CNTN5: variants seen among roughly 807,000 people sequenced by gnomAD.
CNTN5 encodes the protein contactin 5, also known as contactin-5.
A neutral mutation model predicts 129.1 loss-of-function variants in CNTN5; 77 were observed. That is an observed-to-expected ratio of 0.60 (90% CI 0.50 to 0.72). The LOEUF (loss-of-function observed/expected upper bound fraction) is 0.72, where lower values mean the gene tolerates loss of function less well. CNTN5 is among the 30% of genes least tolerant of loss of function. CNTN5 has a pLI of 0.00. For missense variants in CNTN5, 1,478 were observed against 1,328.8 expected (o/e 1.11, Z -1.75); for synonymous variants, 509 against 465.6 (o/e 1.09, Z -1.20).
chr11:100,087,342 T>TCAAA (rs1243453254), intron 13 of CNTN5, among the ~76,000 whole-genome samples: 1 of 151,604 alleles, frequency 6.6e-6, no homozygotes, highest in Non-Finnish European at 1.5e-5. Context: ...TAAAAAATCT[T>TCAAA]CAAACATACA....
intron 20 of CNTN5, among the ~76,000 whole-genome samples, chr11:100,299,985 C>T (rs1433548598): frequency 2.0e-5 from 3 of 151,494 alleles, no homozygotes; most frequent in Non-Finnish European, 4.4e-5. Flanking sequence ...AAAGGTTACA[C>T]TGCTTGTAAC....
chr11:99,987,748 T>C (rs914695004), intron 8 of CNTN5, among the ~76,000 whole-genome samples: 6 of 152,142 alleles, frequency 3.9e-5, no homozygotes, highest in African/African-American at 9.7e-5. Context: ...GAATAAAATA[T>C]TGAGGAAAAG....
chr11:100,177,871 A>G (rs980058753), intron 13 of CNTN5, among the ~76,000 whole-genome samples: 6 of 152,080 alleles, frequency 3.9e-5, no homozygotes, highest in African/African-American at 1.2e-4. Context: ...TTCAGCCTCT[A>G]TGTAGCCACT....
At chr11:100,238,412 A>AT (rs1949665577) in intron 16 of CNTN5, among the ~76,000 whole-genome samples, 1 of 124,532 alleles carries the variant, frequency 8.0e-6, no homozygotes, top group African/African-American at 3.0e-5. Flanking sequence ...ACTTGTCAAA[A>AT]AAAAAAAAAA....
At chr11:100,136,944 T>C (rs1946546011) in intron 13 of CNTN5, among the ~76,000 whole-genome samples, 1 of 151,886 alleles carries the variant, frequency 6.6e-6, no homozygotes, top group Non-Finnish European at 1.5e-5. Flanking sequence ...ATTAGAGAAA[T>C]TAAAATGAAT....
intron 24 of CNTN5, among the ~76,000 whole-genome samples, chr11:100,354,928 A>T (rs118034661): frequency 6.6e-6 from 1 of 151,694 alleles, no homozygotes; most frequent in South Asian, 2.1e-4. Context: ...GCAGGGCTGG[A>T]AGTTCTGGGT....
intron 15 of CNTN5, among the ~76,000 whole-genome samples, chr11:100,194,291 C>CT (rs1565332138): frequency 6.6e-6 from 1 of 151,852 alleles, no homozygotes; most frequent in Admixed American, 6.6e-5. Context: ...AAAGAGGCCC[C>CT]TTCCCCACAT....
intron 8 of CNTN5, among the ~76,000 whole-genome samples, chr11:99,962,378 A>T (rs900077834): frequency 6.8e-6 from 1 of 146,054 alleles, no homozygotes; most frequent in African/African-American, 2.5e-5. Flanking sequence ...TCATTGTTCA[A>T]TTCCCACCTA....
chr11:100,300,239 T>C (rs1205052145), intron 20 of CNTN5, among the ~76,000 whole-genome samples: 1 of 151,512 alleles, frequency 6.6e-6, no homozygotes, highest in East Asian at 1.9e-4. Context: ...AGTTTTAATA[T>C]AAAAATGCAA....
chr11:99,935,923 C>A (rs962222071), intron 7 of CNTN5, among the ~76,000 whole-genome samples: 1 of 152,160 alleles, frequency 6.6e-6, no homozygotes, highest in African/African-American at 2.4e-5. Context: ...TTTCTTTTAT[C>A]CTACCATGCT....
intron 2 of CNTN5, among the ~76,000 whole-genome samples, chr11:99,386,160 C>T (rs1015598004): frequency 9.9e-5 from 15 of 152,156 alleles, no homozygotes; most frequent in African/African-American, 2.9e-4. Context: ...CAGGGCCCAC[C>T]TCCAACCTGG....
At chr11:100,030,715 C>G (rs1228152641) in intron 9 of CNTN5, among the ~76,000 whole-genome samples, 1 of 152,136 alleles carries the variant, frequency 6.6e-6, no homozygotes, top group Non-Finnish European at 1.5e-5. Context: ...TAGAAGTTTA[C>G]TTAATGTCTT....
intron 3 of CNTN5, among the ~76,000 whole-genome samples, chr11:99,665,593 C>T (rs1329639750): frequency 6.9e-6 from 1 of 144,400 alleles, no homozygotes; most frequent in Non-Finnish European, 1.5e-5. Context: ...TCAAGCAATT[C>T]TCCCTGTCTC....
chr11:99,372,792 A>G (rs1939904458), intron 2 of CNTN5, among the ~76,000 whole-genome samples: 1 of 152,270 alleles, frequency 6.6e-6, no homozygotes, highest in African/African-American at 2.4e-5. Context: ...ATCTAATGTT[A>G]TAAAGCAAAA....
At chr11:100,324,330 T>C (rs1209597364) in intron 21 of CNTN5, among the ~76,000 whole-genome samples, 4 of 152,166 alleles carry the variant, frequency 2.6e-5, no homozygotes, top group African/African-American at 9.6e-5. Flanking sequence ...TATAGGGTTA[T>C]AGTGTCTGAT....
chr11:100,009,497 G>A (rs1156797226), intron 9 of CNTN5, among the ~76,000 whole-genome samples: 2 of 152,058 alleles, frequency 1.3e-5, no homozygotes, highest in African/African-American at 2.4e-5. Flanking sequence ...AGAAAAGACT[G>A]GTTTAGACAT....
At chr11:100,098,551 G>A (rs952633670) in intron 13 of CNTN5, among the ~76,000 whole-genome samples, 3 of 151,982 alleles carry the variant, frequency 2.0e-5, no homozygotes, top group African/African-American at 7.2e-5. Context: ...GTCCTTGCAG[G>A]AACACTACTC....
At chr11:99,554,646 T>C (rs893986094) in intron 2 of CNTN5, among the ~76,000 whole-genome samples, 2 of 152,148 alleles carry the variant, frequency 1.3e-5, no homozygotes, top group African/African-American at 2.4e-5. Flanking sequence ...AAGCCAAAGC[T>C]ATATTACCTT....
rs1412324554 is a variant in CNTN5 at position 99,770,401 on chromosome 11, TA to T, written c.56-49136del. Among the ~76,000 whole-genome samples the T allele has an allele frequency of 5.3e-5, 8 of 152,134 alleles. No individual in the cohort carries two copies. The East Asian group carries it at 9.7e-4, about 18-fold the overall frequency. ...TATAATTTATGATTCTGTGATCCTTTAAAAAAAGAAAAGCGTATACATGTGT... is the reference window on the plus strand; with the variant it reads ...TATAATTTATGATTCTGTGATCCTTTAAAAAAGAAAAGCGTATACATGTGT... On this transcript the variant is annotated intron_variant, in intron 3 of 24. Transcript: ENST00000524871.
Sources: allele counts gnomAD v4.1 joint callset (sites outside exome capture counted in the v4.1 genomes callset), GRCh38; gene constraint gnomAD v4.1.1; transcripts MANE v1.5; gene names NCBI Gene and HGNC (gene_info 2026-07-23, HGNC 2026-07-21).